DDHD2: variants seen among roughly 807,000 people sequenced by gnomAD.
DDHD2 encodes the protein triacylglycerol hydrolase DDHD2.
Under a neutral mutation model 91.2 loss-of-function variants are expected in DDHD2, and 62 were observed. The observed-to-expected ratio is 0.68, with a 90% CI of 0.55 to 0.84. The LOEUF (loss-of-function observed/expected upper bound fraction) is 0.84, where lower values mean the gene tolerates loss of function less well. Ranked by LOEUF, DDHD2 falls within the 40% of genes least tolerant of loss-of-function variation. The pLI is 0.00. For synonymous variants in DDHD2, 271 were observed against 293.9 expected (o/e 0.92, Z 0.80); for missense variants, 740 against 846.9 (o/e 0.87, Z 1.57).
intron 3 of DDHD2, among the ~76,000 whole-genome samples, chr8:38,235,336 G>A (rs1298865812): frequency 6.6e-6 from 1 of 151,954 alleles, no homozygotes; most frequent in Non-Finnish European, 1.5e-5. Flanking sequence ...GCCTCCCAAA[G>A]TGCTGGGATT....
chr8:38,253,200 A>G (rs1035423728), intron 15 of DDHD2, 73 bp downstream of exon 15: 3 of 1,351,458 alleles, frequency 2.2e-6, no homozygotes, highest in Admixed American at 5.5e-5. Context: ...TTCATAGTTA[A>G]TTTAATTTAA....
chr8:38,242,236 A>G lies in DDHD2; in HGVS notation c.713-14A>G. On this transcript the variant is annotated splice_polypyrimidine_tract_variant and intron_variant, in intron 6 of 17. Coordinates refer to ENST00000397166, the MANE Select transcript of DDHD2 (RefSeq NM_015214.3). ...TACTTCATTGTTGATGCATAAGTTA[A>G]TTTTCTTTTCCAGTTAATGATTTTC... The G allele has an allele frequency of 6.3e-7, 1 of 1,575,630 alleles. No individual in the cohort carries two copies. The highest frequency in any genetic ancestry group is 8.6e-7 in the Non-Finnish European group (1 of 1,166,136).
intron 1 of DDHD2, chr8:38,269,353 G>A: frequency 1.3e-6 from 1 of 789,072 alleles, no homozygotes; most frequent in Non-Finnish European, 1.8e-6. Context: ...GCATCGTCTG[G>A]CAAAGGGTAC....
At chr8:38,264,516 A>T, downstream of DDHD2, 1 of 1,561,204 alleles carries the variant, frequency 6.4e-7, no homozygotes, top group Non-Finnish European at 8.7e-7. Flanking sequence ...GAAATGGTTT[A>T]TGGCATTCTG....
In DDHD2 at chr8:38,234,575, A is replaced by C; in HGVS notation, c.402A>C (p.Gln134His). The C allele has an allele frequency of 6.2e-7, 1 of 1,607,262 alleles. No homozygotes were observed. Among genetic ancestry groups the C allele is most frequent in the East Asian group, 2.2e-5 (1 of 44,550 alleles). ...KYVPYSESFS[Q>H]VLEETYMLAV... The stretch of plus-strand genomic sequence containing the variant: ...TTCCCTACTCGGAGAGCTTCAGCCA[A>C]GTTTTAGAGGTATTCTTTTGACTCT... The change falls in exon 3 of 18, where the codon CAA (glutamine) becomes CAC (histidine). Residue 134 changes from glutamine to histidine, a missense_variant. Around this residue, in one of 2 missense-constraint regions of DDHD2, gnomAD observed 693 missense variants for 764.2 expected, o/e 0.91. Transcript: ENST00000397166.
At chr8:38,237,369 A>G (rs1332865311) in intron 3 of DDHD2, among the ~76,000 whole-genome samples, 169 bp from the exon 4 acceptor site, 3 of 152,128 alleles carry the variant, frequency 2.0e-5, no homozygotes, top group Non-Finnish European at 4.4e-5. Flanking sequence ...GAGTAAGACA[A>G]ACAAAACAAA....
chr8:38,255,781 C>T (rs879824435), intron 16 of DDHD2, among the ~76,000 whole-genome samples: 1 of 152,006 alleles, frequency 6.6e-6, no homozygotes, highest in East Asian at 1.9e-4. Context: ...TTTCAGGTTT[C>T]CTTTTCTTTT....
At chr8:38,266,696 G>A (rs1230266933), downstream of DDHD2, among the ~76,000 whole-genome samples, 2 of 152,146 alleles carry the variant, frequency 1.3e-5, no homozygotes, top group South Asian at 2.1e-4. Flanking sequence ...CACCACACCC[G>A]GCCATGAGGG....
chr8:38,248,297 G>A (rs1186141771), intron 10 of DDHD2, among the ~76,000 whole-genome samples: 1 of 151,562 alleles, frequency 6.6e-6, no homozygotes, highest in Non-Finnish European at 1.5e-5. Flanking sequence ...TCCTGACCCC[G>A]TGATCCACCC....
chr8:38,249,445 C>A (rs1011950127), intron 10 of DDHD2, among the ~76,000 whole-genome samples: 2 of 150,912 alleles, frequency 1.3e-5, no homozygotes, highest in Non-Finnish European at 3.0e-5. Flanking sequence ...CTTAGATACC[C>A]AACTTCTCTG....
rs1804906575 is a variant in DDHD2 at position 38,237,646 on chromosome 8, C to T, written c.501+19C>T. On this transcript the variant is annotated intron_variant, in intron 4 of 17. Coordinates refer to ENST00000397166, the MANE Select transcript of DDHD2 (RefSeq NM_015214.3). ...TCCAAAGGTAAAACAAAGCATTTCTCTTGTCGGGATAAAAAGTTAATTGCG... is the reference window on the plus strand; with the variant it reads ...TCCAAAGGTAAAACAAAGCATTTCTTTTGTCGGGATAAAAAGTTAATTGCG... 2 of 1,416,830 alleles carry T rather than the reference C, an allele frequency of 1.4e-6. No homozygotes were observed. The highest frequency in any genetic ancestry group is 2.9e-5 in the African/African-American group (2 of 69,372). The allele number at this position is 1,416,830 out of a possible 1,614,324, so 87.8% of individuals were successfully genotyped here.
In DDHD2 at chr8:38,239,431, C is replaced by T. The variant is rs1256254433; in HGVS notation, c.623-844C>T. Among the ~76,000 whole-genome samples the T allele has an allele frequency of 1.2e-4, 18 of 147,348 alleles. 1 individual carries two copies. Among genetic ancestry groups the T allele is most frequent in the Admixed American group, 8.8e-4 (13 of 14,704 alleles). ...AAAAAAGGCCAAGTGTGTTGGCTCACGGCTGTAATCCCAGCACTTTGGGAG... is the reference window on the plus strand; with the variant it reads ...AAAAAAGGCCAAGTGTGTTGGCTCATGGCTGTAATCCCAGCACTTTGGGAG... On this transcript the variant is annotated intron_variant, in intron 5 of 17. Coordinates refer to ENST00000397166, the MANE Select transcript of DDHD2 (RefSeq NM_015214.3).
chr8:38,260,120 A>G lies in DDHD2; in HGVS notation c.2135A>G (p.Ter712=). ...ATCTTCCTTGATCAGCCTTTACAGT[A>G]AAAATGACCCATCTATGGCTGCTTA... ...QGIFLDQPLQ[*] is the part of the protein sequence containing the mutation. The change falls in exon 17 of 18, where the codon TAA becomes TGA. Residue 712 remains the stop codon, a stop_retained_variant. Coordinates refer to ENST00000397166, the MANE Select transcript of DDHD2 (RefSeq NM_015214.3). 1 of 1,607,378 alleles carries G rather than the reference A, an allele frequency of 6.2e-7. No individual in the cohort carries two copies. The highest frequency in any genetic ancestry group is 2.2e-5 in the East Asian group (1 of 44,834).
intron 5 of DDHD2, 96 bp downstream of exon 5, chr8:38,238,305 T>C (rs1804967124): frequency 6.5e-7 from 1 of 1,548,302 alleles, no homozygotes. Context: ...CCTCAAGGCT[T>C]AAAAATCATC....
At chr8:38,236,094 G>A (rs1804718562) in intron 3 of DDHD2, among the ~76,000 whole-genome samples, 2 of 151,386 alleles carry the variant, frequency 1.3e-5, no homozygotes, top group Admixed American at 6.6e-5. Context: ...CTCATTGCAA[G>A]CTCTGCCTCC....
rs1411254557 is a variant in DDHD2, at chr8:38,231,690, C to T, written c.-178C>T. The T allele has an allele frequency of 6.6e-6, 1 of 152,234 alleles. No homozygotes were observed. The highest frequency in any genetic ancestry group is 2.4e-5 in the African/African-American group (1 of 41,424). 9.4% of individuals were successfully genotyped at this position (152,234 alleles called of 1,614,324 possible). A position where few individuals can be genotyped will look rare whatever the true frequency, so the allele number is the denominator to read the frequency against. On this transcript the variant is annotated 5_prime_UTR_variant, in exon 1 of 18. Transcript: ENST00000397166. Reference sequence around the variant, plus strand: ...TCGCCTGGCATCCGGGCCCGCTACTCGCCCACTGGGAGCGCCGTGGCGCCT... The same window carrying T: ...TCGCCTGGCATCCGGGCCCGCTACTTGCCCACTGGGAGCGCCGTGGCGCCT...
chr8:38,240,874 C>A (rs567220806), intron 6 of DDHD2, among the ~76,000 whole-genome samples: 5 of 152,136 alleles, frequency 3.3e-5, no homozygotes, highest in African/African-American at 1.2e-4. Flanking sequence ...AGTTCAAGAC[C>A]AGCCTGGCCA....
intron 1 of DDHD2, chr8:38,268,711 C>T (rs1808137537): frequency 5.6e-6 from 8 of 1,433,198 alleles, no homozygotes; most frequent in South Asian, 1.5e-5. Context: ...CGGACACCCT[C>T]CTCTCTCAAT....
intron 16 of DDHD2, among the ~76,000 whole-genome samples, chr8:38,258,505 G>A (rs1046320599): frequency 6.6e-6 from 1 of 152,072 alleles, no homozygotes; most frequent in African/African-American, 2.4e-5. Flanking sequence ...TGCCTGCCTC[G>A]ACCTCCCAGT....
Sources: gnomAD v4.1 joint callset for allele counts (sites outside exome capture counted in the v4.1 genomes callset) on GRCh38, gnomAD v4.1.1 for gene constraint, gnomAD v4.1.1 regional missense constraint, MANE v1.5 for transcripts, NCBI Gene and HGNC (gene_info 2026-07-23, HGNC 2026-07-21) for gene names.